ACTR3C: variants seen among roughly 807,000 people sequenced by gnomAD.
ACTR3C encodes actin related protein 3C.
Under a neutral mutation model 26.3 loss-of-function variants are expected in ACTR3C, and 18 were observed. The observed-to-expected ratio is 0.68, with a 90% CI of 0.47 to 1.01. The LOEUF (loss-of-function observed/expected upper bound fraction) is 1.01, where lower values mean the gene tolerates loss of function less well. Ranked by LOEUF, ACTR3C falls within the 50% of genes least tolerant of loss-of-function variation. ACTR3C has a pLI of 0.00. For synonymous variants in ACTR3C, 55 were observed against 94.5 expected, an observed-to-expected ratio of 0.58 and a Z score of 2.42; for missense variants, 184 against 250.7, an observed-to-expected ratio of 0.73 and a Z score of 1.80.
the ACTR3C span, among the ~76,000 whole-genome samples, chr7:150,180,606 G>A: frequency 5.5e-5 from 8 of 146,282 alleles, no homozygotes; most frequent in Admixed American, 6.7e-5. Context: ...TCCGCCTCCC[G>A]GGTTCACGCC....
the ACTR3C span, among the ~76,000 whole-genome samples, chr7:150,140,843 C>G: frequency 1.3e-5 from 2 of 152,254 alleles, no homozygotes; most frequent in African/African-American, 4.8e-5. Context: ...AGCTAGGCCT[C>G]TTGCGCTAAA....
chr7:150,099,847 C>T, the ACTR3C span, among the ~76,000 whole-genome samples: 1 of 151,504 alleles, frequency 6.6e-6, no homozygotes, highest in African/African-American at 2.4e-5. Flanking sequence ...CCAGCTGTGA[C>T]CCTGGGCCAG....
At chr7:149,970,181 A>G in the ACTR3C span, among the ~76,000 whole-genome samples, 68,210 of 151,264 alleles carry the variant, frequency 0.45, 17,173 homozygotes, top group South Asian at 0.56. Context: ...CTGTTTAGAC[A>G]GGTTTGAAAT....
At chr7:149,895,219 G>T in the ACTR3C span, among the ~76,000 whole-genome samples, 1 of 151,836 alleles carries the variant, frequency 6.6e-6, no homozygotes, top group Non-Finnish European at 1.5e-5. Flanking sequence ...GCTATAGAAT[G>T]GTGGTTACAG....
the ACTR3C span, among the ~76,000 whole-genome samples, chr7:150,172,176 T>C: frequency 6.6e-6 from 1 of 150,876 alleles, no homozygotes; most frequent in African/African-American, 2.5e-5. Context: ...CTGACCTTCA[T>C]GTGCCTGCTT....
At chr7:149,944,603 G>A in the ACTR3C span, among the ~76,000 whole-genome samples, 1 of 150,142 alleles carries the variant, frequency 6.7e-6, no homozygotes, top group Non-Finnish European at 1.5e-5. Flanking sequence ...GCTGCTGGTC[G>A]CACCCCATCC....
the ACTR3C span, among the ~76,000 whole-genome samples, chr7:150,104,193 T>C: frequency 3.3e-5 from 5 of 151,112 alleles, no homozygotes; most frequent in African/African-American, 1.2e-4. Flanking sequence ...TTTGGGGGAA[T>C]TGGACAGACA....
chr7:150,127,137 T>TAGACACACAC, the ACTR3C span, among the ~76,000 whole-genome samples: 8 of 112,852 alleles, frequency 7.1e-5, no homozygotes, highest in Admixed American at 2.0e-4. Context: ...ATCCTACCAT[T>TAGACACACAC]AGACACACAC....
intron 6 of ACTR3C, among the ~76,000 whole-genome samples, chr7:150,254,008 T>G (rs1212989979): frequency 6.6e-6 from 1 of 152,188 alleles, no homozygotes; most frequent in East Asian, 1.9e-4. Context: ...GAGAATTAAT[T>G]TCAACACACC....
chr7:150,118,047 A>C, the ACTR3C span, among the ~76,000 whole-genome samples: 1 of 152,206 alleles, frequency 6.6e-6, no homozygotes, highest in Non-Finnish European at 1.5e-5. Flanking sequence ...CGACATAAAC[A>C]AAAAGGACAA....
At chr7:150,275,905 G>T (rs912687675) in intron 6 of ACTR3C, among the ~76,000 whole-genome samples, 7 of 152,012 alleles carry the variant, frequency 4.6e-5, no homozygotes, top group Non-Finnish European at 8.8e-5. Flanking sequence ...CCGTCTCACG[G>T]CACACCTTGC....
chr7:150,058,087 T>A, the ACTR3C span, among the ~76,000 whole-genome samples: 1 of 152,226 alleles, frequency 6.6e-6, no homozygotes, highest in African/African-American at 2.4e-5. Context: ...CCCTTCATTG[T>A]ATTGGTCATA....
chr7:149,901,975 A>G, the ACTR3C span, among the ~76,000 whole-genome samples: 142 of 151,058 alleles, frequency 9.4e-4, no homozygotes, highest in Admixed American at 1.6e-3. Flanking sequence ...TCTGCAGTTG[A>G]AAAAAAATGT....
chr7:150,082,947 C>CTTTT, the ACTR3C span, among the ~76,000 whole-genome samples: 8 of 108,546 alleles, frequency 7.4e-5, no homozygotes, highest in Non-Finnish European at 8.9e-5. Context: ...TTTTTTTTTT[C>CTTTT]TTTTTTTTTT....
At chr7:150,308,510 C>T (rs189312654) in intron 1 of ACTR3C, among the ~76,000 whole-genome samples, 1,867 of 152,118 alleles carry the variant, frequency 0.012, 31 homozygotes, top group Non-Finnish European at 0.017. Flanking sequence ...ATACTTCGTT[C>T]CCTCCCTAGC....
At chr7:150,028,372 GTGTC>G in the ACTR3C span, among the ~76,000 whole-genome samples, 1 of 152,296 alleles carries the variant, frequency 6.6e-6, no homozygotes, top group Non-Finnish European at 1.5e-5. Flanking sequence ...GTCTGTGTCT[GTGTC>G]TGTGTGCATT....
At chr7:150,166,135 C>T in the ACTR3C span, among the ~76,000 whole-genome samples, 9 of 151,540 alleles carry the variant, frequency 5.9e-5, no homozygotes, top group South Asian at 1.2e-3. Flanking sequence ...CTGTTCTGTG[C>T]CATTGGCCAC....
chr7:150,158,973 A>G, the ACTR3C span, among the ~76,000 whole-genome samples: 2 of 151,476 alleles, frequency 1.3e-5, no homozygotes, highest in African/African-American at 4.9e-5. Flanking sequence ...GTGCGCACAC[A>G]CAGGCACGCA....
chr7:150,273,666 C>A (rs1834624974), intron 6 of ACTR3C, among the ~76,000 whole-genome samples: 1 of 151,396 alleles, frequency 6.6e-6, no homozygotes, highest in African/African-American at 2.4e-5. Context: ...ATCCTTCCTT[C>A]AGTAAGATTA....
Sources: allele counts gnomAD v4.1 joint callset (sites outside exome capture counted in the v4.1 genomes callset), GRCh38; gene constraint gnomAD v4.1.1; transcripts MANE v1.5; gene names NCBI Gene and HGNC (gene_info 2026-07-23, HGNC 2026-07-21).